ALMS1: variants seen among roughly 807,000 people sequenced by gnomAD.
ALMS1 encodes centrosome-associated protein ALMS1.
In ALMS1, 271 loss-of-function variants were observed where a neutral mutation model predicts 352.2. The ratio of observed to expected loss-of-function variants is 0.77; its 90% CI spans 0.70 to 0.85. The LOEUF is 0.85. ALMS1 is among the 40% of genes least tolerant of loss of function. The probability of loss-of-function intolerance (pLI) is 0.00; values close to 1 mark genes in which losing one functional copy is unlikely to be tolerated. For missense variants in ALMS1, 5,445 were observed against 4,870.7 expected (o/e 1.12, Z -3.51); for synonymous variants, 1,865 against 1,761.2 (o/e 1.06, Z -1.48).
chr2:73,424,276 A>C (rs1481298730), intron 4 of ALMS1, among the ~76,000 whole-genome samples, 154 bp from the exon 5 acceptor site: 1 of 152,234 alleles, frequency 6.6e-6, no homozygotes, highest in Admixed American at 6.5e-5. Context: ...GTCATTAGCC[A>C]TCTTAGAAGA....
At chr2:73,603,430 G>T in intron 21 of ALMS1, 126 bp downstream of exon 21, 2 of 837,856 alleles carry the variant, frequency 2.4e-6, no homozygotes, top group Non-Finnish European at 2.0e-6. Flanking sequence ...AAAGTTGTGA[G>T]AGTCATTTCT....
In ALMS1 at chr2:73,451,770, A is replaced by G; in HGVS notation, c.5243A>G (p.Lys1748Arg). ...GCTGTTCCTCAACCAGCTGACCAGAAGACTGGGTTATCTACTGTAACTTCC... is the reference window on the plus strand; with the variant it reads ...GCTGTTCCTCAACCAGCTGACCAGAGGACTGGGTTATCTACTGTAACTTCC... ...VSAVPQPADQKTGLSTVTSSF... is the reference protein window; with the variant it reads ...VSAVPQPADQRTGLSTVTSSF... The change falls in exon 8 of 23, where the codon AAG becomes AGG. Residue 1748 changes from lysine (K) to arginine (R), a missense_variant. Transcript: ENST00000613296. The G allele has an allele frequency of 3.1e-6, 5 of 1,614,104 alleles. No homozygotes were observed. The African/African-American group carries it at 4.0e-5, about 13-fold the overall frequency.
At chr2:73,524,653 A>T (rs568587752) in intron 11 of ALMS1, among the ~76,000 whole-genome samples, 3 of 152,030 alleles carry the variant, frequency 2.0e-5, no homozygotes, top group Non-Finnish European at 4.4e-5. Context: ...GGGTTTCACC[A>T]TGTTGGCCAG....
At chr2:73,539,605 G>A (rs1674118183) in intron 12 of ALMS1, among the ~76,000 whole-genome samples, 2 of 152,150 alleles carry the variant, frequency 1.3e-5, no homozygotes, top group Non-Finnish European at 2.9e-5. Context: ...CGAACCCATG[G>A]CAAAGAAGTT....
intron 6 of ALMS1, among the ~76,000 whole-genome samples, chr2:73,428,240 T>C (rs142123554): frequency 1.7e-3 from 252 of 152,308 alleles, no homozygotes; most frequent in African/African-American, 5.8e-3. Flanking sequence ...TTAGAGATTA[T>C]TATCATCCCT....
At chr2:73,609,480 C>T in intron 22 of ALMS1, 88 bp from the exon 23 acceptor site, 1 of 1,236,804 alleles carries the variant, frequency 8.1e-7, no homozygotes. Context: ...ACTGATTCTC[C>T]TTGGTGACAT....
At chr2:73,557,103 T>A in intron 13 of ALMS1, 117 bp from the exon 14 acceptor site, 2 of 1,448,294 alleles carry the variant, frequency 1.4e-6, no homozygotes, top group Non-Finnish European at 9.7e-7. Context: ...TAAGAGGTAC[T>A]TTTTTCCTAA....
Position 73,451,232 on chromosome 2 carries a change from A to G in ALMS1, c.4705A>G (p.Thr1569Ala), listed in dbSNP as rs1299357994. The G allele has an allele frequency of 1.9e-6, 3 of 1,610,300 alleles. No homozygotes were observed. The highest frequency in any genetic ancestry group is 1.4e-5 in the African/African-American group (1 of 73,454). ...AACTGGCATACCAACCATAACCTCT[A>G]CTTCCTACTCATTTGGAGAGAAGCC... ...QTTGIPTITS[T>A]SYSFGEKPIV... The change falls in exon 8 of 23, where the codon ACT (threonine) becomes GCT (alanine). Residue 1569 changes from threonine (T) to alanine (A), a missense_variant. By Grantham distance (58) the Thr-to-Ala change is moderately conservative. Coordinates refer to ENST00000613296, the MANE Select transcript of ALMS1 (RefSeq NM_001378454.1).
rs1553396083 is a variant in ALMS1, at chr2:73,385,860, G to A, written c.-9G>A. On this transcript the variant is annotated 5_prime_UTR_variant, in exon 1 of 23. Transcript: ENST00000613296. ...CCTCCTCCTCTGCCGCCCAGAGCGA[G>A]ACACCAACATGGAGCCCGAGGATCT... 1.4e-6 allele frequency: 1 copy of A among 731,242 alleles called. No individual in the cohort carries two copies. The allele number at this position is 731,242 out of a possible 1,614,324, so 45.3% of individuals were successfully genotyped here.
At chr2:73,392,201 TATTA>T (rs1198783012) in intron 1 of ALMS1, among the ~76,000 whole-genome samples, 4 of 151,776 alleles carry the variant, frequency 2.6e-5, no homozygotes, top group Admixed American at 2.6e-4. Context: ...TATTAAAAAT[TATTA>T]ATTTTAATAA....
At chr2:73,397,024 C>T (rs1011842255) in intron 1 of ALMS1, among the ~76,000 whole-genome samples, 5 of 152,226 alleles carry the variant, frequency 3.3e-5, no homozygotes, top group Middle Eastern at 3.4e-3. Flanking sequence ...AAATGGTTAT[C>T]CCCAACCCCC....
chr2:73,440,856 C>A (rs972618184), intron 7 of ALMS1, among the ~76,000 whole-genome samples: 1 of 152,184 alleles, frequency 6.6e-6, no homozygotes, highest in Non-Finnish European at 1.5e-5. Flanking sequence ...GTTTAGCAGG[C>A]AGTTGCTCTA....
chr2:73,450,188 G>A lies in ALMS1; in HGVS notation c.3661G>A (p.Val1221Ile), dbSNP rs774268493. The change falls in exon 8 of 23, where the codon GTT becomes ATT. Residue 1221 changes from valine to isoleucine, a missense_variant. Transcript: ENST00000613296. ...IPEEAQKVSP[V>I]LGPADQKTGT... is the part of the protein sequence containing the mutation. ...TGAAGAGGCACAGAAAGTTTCACCTGTTCTTGGACCAGCTGACCAGAAGAC... is the reference window on the plus strand; with the variant it reads ...TGAAGAGGCACAGAAAGTTTCACCTATTCTTGGACCAGCTGACCAGAAGAC... 3.1e-6 allele frequency: 5 copies of A among 1,613,880 alleles called. No homozygotes were observed. The highest frequency in any genetic ancestry group is 2.2e-5 in the East Asian group (1 of 44,842).
At chr2:73,571,200 A>T (rs1438115503) in intron 15 of ALMS1, among the ~76,000 whole-genome samples, 2 of 152,208 alleles carry the variant, frequency 1.3e-5, no homozygotes, top group East Asian at 3.9e-4. Flanking sequence ...AGAGTATTTC[A>T]TGAAAACTCT....
At chr2:73,469,498 C>T (rs1194357390) in intron 9 of ALMS1, 3 of 151,700 alleles carry the variant, frequency 2.0e-5, no homozygotes, top group South Asian at 2.1e-4. Flanking sequence ...ATATAACTCT[C>T]GTTAGGTATA....
intron 10 of ALMS1, among the ~76,000 whole-genome samples, chr2:73,517,442 C>A (rs1056210660): frequency 6.6e-6 from 1 of 150,976 alleles, no homozygotes; most frequent in Non-Finnish European, 1.5e-5. Flanking sequence ...TAGAGACGAT[C>A]TTGCTGCATT....
At chr2:73,460,799 C>T (rs923198524) in intron 9 of ALMS1, among the ~76,000 whole-genome samples, 28 of 152,274 alleles carry the variant, frequency 1.8e-4, no homozygotes, top group African/African-American at 6.3e-4. Flanking sequence ...ATATCCCGCA[C>T]ATGGCTCGGA....
intron 16 of ALMS1, among the ~76,000 whole-genome samples, chr2:73,583,196 CTTT>C (rs145512133): frequency 7.0e-6 from 1 of 143,776 alleles, no homozygotes. Context: ...TCCACTTTTA[CTTT>C]TTTTTTTTTT....
intron 11 of ALMS1, among the ~76,000 whole-genome samples, chr2:73,521,258 C>T (rs1428376826): frequency 1.3e-5 from 2 of 152,104 alleles, no homozygotes; most frequent in Admixed American, 6.5e-5. Context: ...TGGTTTATAA[C>T]AGCAGACATT....
Sources: gnomAD v4.1 joint callset for allele counts (sites outside exome capture counted in the v4.1 genomes callset) on GRCh38, gnomAD v4.1.1 for gene constraint, MANE v1.5 for transcripts, NCBI Gene and HGNC (gene_info 2026-07-23, HGNC 2026-07-21) for gene names.